Variants in TSHZ2 observed in about 807,000 individuals in gnomAD.
TSHZ2 encodes teashirt zinc finger homeobox 2, also known as teashirt homolog 2.
In TSHZ2, 21 loss-of-function variants were observed where a neutral mutation model predicts 74.4. The observed-to-expected ratio is 0.28, with a 90% CI of 0.20 to 0.41. The LOEUF (loss-of-function observed/expected upper bound fraction) is 0.41, where lower values mean the gene tolerates loss of function less well. Among genes scored for constraint, TSHZ2 ranks in the 10% least tolerant of loss-of-function variants. The pLI is 1.00. For synonymous variants in TSHZ2, 540 were observed against 515.3 expected, an observed-to-expected ratio of 1.05 and a Z score of -0.65; for missense variants, 1,244 against 1,293.5, an observed-to-expected ratio of 0.96 and a Z score of 0.59.
intron 2 of TSHZ2, among the ~76,000 whole-genome samples, chr20:53,296,632 T>G (rs934984496): frequency 7.2e-5 from 11 of 152,248 alleles, no homozygotes; most frequent in Admixed American, 5.9e-4. Context: ...TTGAGTTTGT[T>G]CTGTTCTTCC....
chr20:53,309,592 A>G (rs1021120097), intron 2 of TSHZ2, among the ~76,000 whole-genome samples: 3 of 152,230 alleles, frequency 2.0e-5, no homozygotes, highest in Admixed American at 6.5e-5. Flanking sequence ...GGCAACAAGC[A>G]TGATGTGTAT....
rs1053762720 is a variant in TSHZ2, at chr20:52,994,360, T to G, written c.40+21027T>G. ...TGAATGGATGAATGGATAGATGGAT[T>G]GATGGATGGATGGATGAATGGATGG... On this transcript the variant is annotated intron_variant, in intron 1 of 2. Transcript: ENST00000371497. Among the ~76,000 whole-genome samples, 21 of 151,316 alleles carry G rather than the reference T, an allele frequency of 1.4e-4. 1 individual carries two copies. The highest frequency in any genetic ancestry group is 3.0e-5 in the Non-Finnish European group (2 of 67,750).
intron 2 of TSHZ2, among the ~76,000 whole-genome samples, chr20:53,308,449 T>C (rs1978640003): frequency 6.6e-6 from 1 of 152,058 alleles, no homozygotes; most frequent in Non-Finnish European, 1.5e-5. Context: ...TGGTGATGTG[T>C]ATGTATGTAC....
chr20:53,130,264 G>C (rs1057225747), intron 1 of TSHZ2, among the ~76,000 whole-genome samples: 5 of 151,706 alleles, frequency 3.3e-5, no homozygotes, highest in African/African-American at 1.2e-4. Flanking sequence ...GAAAAGAAAA[G>C]AAACAGTCAT....
At chr20:53,288,276 T>C (rs1055500952) in intron 2 of TSHZ2, among the ~76,000 whole-genome samples, 6 of 151,976 alleles carry the variant, frequency 3.9e-5, no homozygotes, top group African/African-American at 9.7e-5. Flanking sequence ...TGGTGGCAGA[T>C]GCCTGTAGTC....
At chr20:53,053,630 T>G (rs552103445) in intron 1 of TSHZ2, among the ~76,000 whole-genome samples, 1 of 152,260 alleles carries the variant, frequency 6.6e-6, no homozygotes, top group East Asian at 1.9e-4. Flanking sequence ...AAGAGACTTG[T>G]GCTCTTTAGG....
intron 1 of TSHZ2, among the ~76,000 whole-genome samples, chr20:52,981,074 A>T (rs368284500): frequency 2.6e-5 from 4 of 152,222 alleles, no homozygotes; most frequent in African/African-American, 9.6e-5. Flanking sequence ...GTTTTATATC[A>T]GAATTGCCTT....
intron 2 of TSHZ2, among the ~76,000 whole-genome samples, chr20:53,465,269 T>TTG (rs149559919): frequency 0.39 from 58,089 of 150,558 alleles, 11,273 homozygotes; most frequent in Non-Finnish European, 0.4. Context: ...GTTATTACTT[T>TTG]TGTGTGTGTG....
At chr20:53,163,081 T>G (rs1363856169) in intron 1 of TSHZ2, among the ~76,000 whole-genome samples, 1 of 152,224 alleles carries the variant, frequency 6.6e-6, no homozygotes, top group Non-Finnish European at 1.5e-5. Flanking sequence ...TATCGGCCTC[T>G]CTGCTCCTCT....
intron 1 of TSHZ2, among the ~76,000 whole-genome samples, chr20:53,037,881 G>C (rs1983878590): frequency 6.6e-6 from 1 of 152,016 alleles, no homozygotes; most frequent in Non-Finnish European, 1.5e-5. Flanking sequence ...AGATGCACAG[G>C]GGCCTGTGTG....
At chr20:53,205,669 A>G (rs2123593532) in intron 1 of TSHZ2, among the ~76,000 whole-genome samples, 1 of 152,278 alleles carries the variant, frequency 6.6e-6, no homozygotes, top group Admixed American at 6.5e-5. Flanking sequence ...CTTGTCCACA[A>G]TTTTTATGGA....
At chr20:53,182,656 C>T (rs1245075078) in intron 1 of TSHZ2, among the ~76,000 whole-genome samples, 1 of 152,196 alleles carries the variant, frequency 6.6e-6, no homozygotes. Context: ...GTAATCTGAA[C>T]TTCTCTCTTT....
intron 1 of TSHZ2, among the ~76,000 whole-genome samples, chr20:53,024,576 C>A (rs1039391552): frequency 1.3e-5 from 2 of 151,858 alleles, no homozygotes; most frequent in Non-Finnish European, 2.9e-5. Flanking sequence ...ATACACGTGC[C>A]ATGGTGGTTT....
At chr20:53,310,079 A>G (rs1433282168) in intron 2 of TSHZ2, among the ~76,000 whole-genome samples, 1 of 152,244 alleles carries the variant, frequency 6.6e-6, no homozygotes, top group Non-Finnish European at 1.5e-5. Context: ...CTTTTAAACA[A>G]GTATTCTAAA....
intron 1 of TSHZ2, among the ~76,000 whole-genome samples, chr20:53,124,763 A>T (rs1431695685): frequency 1.3e-5 from 2 of 152,210 alleles, no homozygotes; most frequent in African/African-American, 4.8e-5. Flanking sequence ...CCACCTGAAG[A>T]CATGGAGATT....
At chr20:53,348,571 GA>G (rs1980529834) in intron 2 of TSHZ2, among the ~76,000 whole-genome samples, 1 of 151,676 alleles carries the variant, frequency 6.6e-6, no homozygotes, top group Admixed American at 6.6e-5. Flanking sequence ...AAGAAACAAA[GA>G]AACAAAAATG....
At chr20:53,124,286 A>G (rs1288021878) in intron 1 of TSHZ2, among the ~76,000 whole-genome samples, 1 of 152,224 alleles carries the variant, frequency 6.6e-6, no homozygotes, top group African/African-American at 2.4e-5. Flanking sequence ...CATGTCTGCA[A>G]TCAGGCTTCT....
At chr20:53,469,083 A>ATATATATATATATG (rs1600664698) in intron 2 of TSHZ2, among the ~76,000 whole-genome samples, 1 of 132,964 alleles carries the variant, frequency 7.5e-6, no homozygotes, top group Non-Finnish European at 1.6e-5. Flanking sequence ...ATATATATAT[A>ATATATATATATATG]TGTACATATT....
At chr20:53,455,685 G>A (rs907452996) in intron 2 of TSHZ2, among the ~76,000 whole-genome samples, 1 of 151,868 alleles carries the variant, frequency 6.6e-6, no homozygotes, top group Admixed American at 6.6e-5. Context: ...CTAGCATTAG[G>A]TATATCTCCC....
Sources: gnomAD v4.1 joint callset for allele counts (sites outside exome capture counted in the v4.1 genomes callset) on GRCh38, gnomAD v4.1.1 for gene constraint, MANE v1.5 for transcripts, NCBI Gene and HGNC (gene_info 2026-07-23, HGNC 2026-07-21) for gene names.